NBEA: variants seen among roughly 807,000 people sequenced by gnomAD.
The protein encoded by NBEA is neurobeachin, also known as lysosomal-trafficking regulator 2.
In NBEA, 44 loss-of-function variants were observed where a neutral mutation model predicts 343.4. The ratio of observed to expected loss-of-function variants is 0.13; its 90% CI spans 0.10 to 0.16. NBEA has a LOEUF of 0.16. Ranked by LOEUF, NBEA falls within the 10% of genes least tolerant of loss-of-function variation. The pLI is 1.00. For synonymous variants in NBEA, 1,175 were observed against 1,238.7 expected (o/e 0.95, Z 1.08); for missense variants, 2,555 against 3,631.3 (o/e 0.70, Z 7.62).
chr13:35,238,607 T>G (rs1199629654), intron 34 of NBEA, among the ~76,000 whole-genome samples: 1 of 152,152 alleles, frequency 6.6e-6, no homozygotes, highest in African/African-American at 2.4e-5. Context: ...ACTTTGTTCC[T>G]CCTGGGTTAG....
chr13:35,637,412 A>C (rs924775054), intron 49 of NBEA, among the ~76,000 whole-genome samples: 6 of 152,220 alleles, frequency 3.9e-5, no homozygotes, highest in African/African-American at 1.4e-4. Flanking sequence ...AAAATTAAAA[A>C]TAGAATTCCC....
chr13:35,495,305 A>G (rs1459028449), intron 41 of NBEA, among the ~76,000 whole-genome samples: 4 of 152,068 alleles, frequency 2.6e-5, no homozygotes, highest in Non-Finnish European at 5.9e-5. Context: ...AAAAAAGATT[A>G]GCTTATAGGG....
intron 23 of NBEA, 90 bp from the exon 24 acceptor site, chr13:35,164,266 G>A (rs1240473703): frequency 2.4e-5 from 28 of 1,147,344 alleles, no homozygotes; most frequent in Non-Finnish European, 2.9e-5. Context: ...AGCTCCTACA[G>A]TTCTATAATT....
At chr13:35,190,201 A>G (rs1269437867) in intron 30 of NBEA, among the ~76,000 whole-genome samples, 1 of 152,170 alleles carries the variant, frequency 6.6e-6, no homozygotes, top group Non-Finnish European at 1.5e-5. Context: ...TCTCCAAGGT[A>G]TTTGTTGAAA....
chr13:35,070,977 T>C, intron 10 of NBEA, 125 bp downstream of exon 10: 1 of 1,089,762 alleles, frequency 9.2e-7, no homozygotes. Flanking sequence ...TAATAAAAAA[T>C]TTTTTAGAAC....
rs944712480 is a variant in NBEA at position 35,343,602 on chromosome 13, A to G, written c.5904-5506A>G. Among the ~76,000 whole-genome samples the G allele has an allele frequency of 2.6e-5, 4 of 152,040 alleles. No individual in the cohort carries two copies. In the East Asian group the frequency reaches 5.8e-4, roughly 22 times the overall value. On this transcript the variant is annotated intron_variant, in intron 36 of 58. Transcript: ENST00000379939. Reference sequence around the variant, plus strand: ...CTTGCAAGAGAACAAAGCTTCATCTATATTTACAGCCACTTCCCATTGCTG... The same window carrying G: ...CTTGCAAGAGAACAAAGCTTCATCTGTATTTACAGCCACTTCCCATTGCTG...
chr13:35,170,954 A>G (rs2070415143), intron 25 of NBEA: 2 of 261,762 alleles, frequency 7.6e-6, no homozygotes, highest in South Asian at 4.7e-5. Context: ...AACTAGTATA[A>G]GTACATATAT....
chr13:35,483,785 A>G (rs1007349648), intron 41 of NBEA, among the ~76,000 whole-genome samples: 2 of 152,108 alleles, frequency 1.3e-5, no homozygotes, highest in Non-Finnish European at 2.9e-5. Flanking sequence ...TTGCTTTCTT[A>G]ATAATCTCAA....
chr13:35,646,196 G>C (rs1406067440), intron 50 of NBEA, 63 bp from the exon 51 acceptor site: 1 of 1,255,592 alleles, frequency 8.0e-7, no homozygotes, highest in Non-Finnish European at 1.1e-6. Context: ...CGTTGTCAAA[G>C]AGTGTGTTGG....
chr13:35,632,800 G>T (rs910387574), intron 49 of NBEA, among the ~76,000 whole-genome samples: 1 of 151,870 alleles, frequency 6.6e-6, no homozygotes, highest in African/African-American at 2.4e-5. Context: ...CACCATGTTG[G>T]CCAGGATGGT....
At chr13:35,029,799 A>G (rs1013653705) in intron 1 of NBEA, among the ~76,000 whole-genome samples, 3 of 151,654 alleles carry the variant, frequency 2.0e-5, no homozygotes, top group Non-Finnish European at 3.0e-5. Context: ...TTGTATTTCA[A>G]AATTTTTATT....
chr13:35,427,341 T>C (rs1402175602), intron 38 of NBEA, among the ~76,000 whole-genome samples: 3 of 152,186 alleles, frequency 2.0e-5, no homozygotes, highest in African/African-American at 4.8e-5. Flanking sequence ...TTGTTAGTTT[T>C]CCTTCTAACA....
intron 38 of NBEA, among the ~76,000 whole-genome samples, chr13:35,382,659 T>C (rs2042071427): frequency 6.6e-6 from 1 of 152,210 alleles, no homozygotes. Flanking sequence ...TAATCTCTTC[T>C]CATTCACTTG....
intron 31 of NBEA, among the ~76,000 whole-genome samples, chr13:35,200,343 A>G (rs1306784549): frequency 3.3e-5 from 5 of 151,060 alleles, no homozygotes; most frequent in African/African-American, 1.2e-4. Flanking sequence ...ATTTAATCTT[A>G]TATATCTGCA....
intron 34 of NBEA, among the ~76,000 whole-genome samples, chr13:35,255,364 G>T (rs1174262136): frequency 6.6e-6 from 1 of 152,224 alleles, no homozygotes; most frequent in Admixed American, 6.5e-5. Context: ...GGCATGCTGG[G>T]CTCATTCCGC....
intron 11 of NBEA, among the ~76,000 whole-genome samples, chr13:35,104,423 C>T (rs1294464149): frequency 6.6e-6 from 1 of 151,824 alleles, no homozygotes; most frequent in African/African-American, 2.4e-5. Context: ...TTTGTCTCCC[C>T]TTATTGCTGT....
chr13:35,142,337 C>T lies in NBEA; in HGVS notation c.2405C>T (p.Thr802Ile). ...CTTGGAGAAAGGCTGATGTTGCATA[C>T]AAACACTGTGACTGTCACCACATAC... ...TLLGERLMLH[T>I]NTVTVTTYNT... Residue 802 changes from threonine to isoleucine, a missense_variant, in exon 18 of 59, where the codon ACA (threonine) becomes ATA (isoleucine). Coordinates refer to ENST00000379939, the MANE Select transcript of NBEA (RefSeq NM_001385012.1). 1.9e-6 allele frequency: 3 copies of T among 1,613,176 alleles called. No individual in the cohort carries two copies. Among genetic ancestry groups the T allele is most frequent in the Non-Finnish European group, 2.5e-6 (3 of 1,179,432 alleles).
At chr13:35,565,729 A>AG (rs1045613743) in intron 44 of NBEA, among the ~76,000 whole-genome samples, 18 of 152,132 alleles carry the variant, frequency 1.2e-4, no homozygotes, top group South Asian at 2.1e-4. Context: ...TCAGTTTATG[A>AG]GGGGGGGCCG....
chr13:35,226,786 T>C (rs367828000), intron 33 of NBEA, among the ~76,000 whole-genome samples: 5 of 151,812 alleles, frequency 3.3e-5, no homozygotes, highest in African/African-American at 1.2e-4. Flanking sequence ...ACATAATGTC[T>C]ATTCACAGAT....
Sources: gnomAD v4.1 joint callset for allele counts (sites outside exome capture counted in the v4.1 genomes callset) on GRCh38, gnomAD v4.1.1 for gene constraint, MANE v1.5 for transcripts, NCBI Gene and HGNC (gene_info 2026-07-23, HGNC 2026-07-21) for gene names.